JAM2: variants seen among roughly 807,000 people sequenced by gnomAD.
JAM2 encodes the protein junctional adhesion molecule 2, also known as junctional adhesion molecule B.
In JAM2, 17 loss-of-function variants were observed where a neutral mutation model predicts 42.0. The observed-to-expected ratio is 0.40, with a 90% CI of 0.28 to 0.61. The LOEUF (loss-of-function observed/expected upper bound fraction) is 0.61. Ranked by LOEUF, JAM2 falls within the 20% of genes least tolerant of loss-of-function variation. The pLI, the probability that JAM2 is intolerant of heterozygous loss-of-function variation, is 0.37. For missense variants in JAM2, 319 were observed against 358.3 expected, an observed-to-expected ratio of 0.89 and a Z score of 0.89; for synonymous variants, 118 against 128.6, an observed-to-expected ratio of 0.92 and a Z score of 0.56.
chr21:25,693,564 C>A (rs1291944568), intron 3 of JAM2, among the ~76,000 whole-genome samples, 192 bp from the exon 4 acceptor site: 2 of 152,116 alleles, frequency 1.3e-5, no homozygotes, highest in Admixed American at 1.3e-4. Context: ...GCCTTTTGAA[C>A]ATTTTAAAAA....
At chr21:25,710,450 A>T (rs574650374) in intron 8 of JAM2, among the ~76,000 whole-genome samples, 1 of 152,336 alleles carries the variant, frequency 6.6e-6, no homozygotes, top group East Asian at 1.9e-4. Flanking sequence ...GAGAATATAC[A>T]ATACAAAGGG....
chr21:25,688,299 C>G (rs1027314486), intron 2 of JAM2, among the ~76,000 whole-genome samples: 2 of 142,492 alleles, frequency 1.4e-5, no homozygotes, highest in African/African-American at 5.0e-5. Context: ...CCCACACGCA[C>G]GCACACACAC....
chr21:25,676,256 C>A (rs1327459101), intron 1 of JAM2, among the ~76,000 whole-genome samples: 1 of 143,326 alleles, frequency 7.0e-6, no homozygotes, highest in African/African-American at 2.6e-5. Flanking sequence ...CCACTGCACT[C>A]CAGCCTGGGT....
chr21:25,699,222 A>T (rs914990469), intron 5 of JAM2, among the ~76,000 whole-genome samples: 3 of 152,216 alleles, frequency 2.0e-5, no homozygotes, highest in Non-Finnish European at 4.4e-5. Flanking sequence ...GATACCAATT[A>T]AGATTTTCGT....
At chr21:25,714,573 C>T in intron 9 of JAM2, 67 bp from the exon 10 acceptor site, 2 of 965,842 alleles carry the variant, frequency 2.1e-6, no homozygotes, top group Middle Eastern at 2.8e-4. Context: ...GCTTGATATT[C>T]ATAAGATTTA....
intron 1 of JAM2, among the ~76,000 whole-genome samples, chr21:25,666,559 C>A (rs2033229816): frequency 6.6e-6 from 1 of 151,904 alleles, no homozygotes; most frequent in Non-Finnish European, 1.5e-5. Context: ...TTTTTTGAGA[C>A]AAGGTCTTGC....
intron 1 of JAM2, among the ~76,000 whole-genome samples, chr21:25,681,221 G>C (rs2033623038): frequency 6.6e-6 from 1 of 152,164 alleles, no homozygotes; most frequent in South Asian, 2.1e-4. Flanking sequence ...GGATTGTTTT[G>C]CCTAAATTGT....
chr21:25,697,755 A>G (rs2034069753), intron 4 of JAM2, among the ~76,000 whole-genome samples: 1 of 151,890 alleles, frequency 6.6e-6, no homozygotes, highest in African/African-American at 2.4e-5. Context: ...AGTTTTAAAA[A>G]TTAGCTGGTC....
intron 5 of JAM2, among the ~76,000 whole-genome samples, chr21:25,699,441 G>A (rs1193695085): frequency 6.6e-6 from 1 of 152,092 alleles, no homozygotes; most frequent in Non-Finnish European, 1.5e-5. Flanking sequence ...AAAATTGCGC[G>A]GCCGGGCGCA....
intron 1 of JAM2, among the ~76,000 whole-genome samples, chr21:25,660,783 T>TATATATATATA (rs59547156): frequency 5.8e-4 from 21 of 36,328 alleles, no homozygotes; most frequent in South Asian, 1.2e-3. Context: ...TATATATATA[T>TATATATATATA]TTTTTTTTTT....
chr21:25,697,305 T>C (rs948605117), intron 4 of JAM2, among the ~76,000 whole-genome samples: 1 of 152,168 alleles, frequency 6.6e-6, no homozygotes, highest in Non-Finnish European at 1.5e-5. Context: ...AAAATCTTTC[T>C]ACTACAGTAC....
intron 7 of JAM2, among the ~76,000 whole-genome samples, chr21:25,708,791 A>C (rs2123416283): frequency 6.6e-6 from 1 of 152,274 alleles, no homozygotes. Flanking sequence ...TAGTAAAAAA[A>C]TTTTCCTAAA....
chr21:25,645,167 C>T (rs144023057), intron 1 of JAM2, among the ~76,000 whole-genome samples: 90 of 152,328 alleles, frequency 5.9e-4, no homozygotes, highest in African/African-American at 2.0e-3. Context: ...AGGCGTGAGC[C>T]ACCGCGCCTG....
intron 1 of JAM2, among the ~76,000 whole-genome samples, chr21:25,654,647 CAAAAAA>C (rs34222589): frequency 3.3e-5 from 3 of 91,614 alleles, no homozygotes; most frequent in Admixed American, 2.4e-4. Context: ...GACTTTCTCT[CAAAAAA>C]AAAAAAAAAA....
chr21:25,654,336 A>C (rs930190184), intron 1 of JAM2, among the ~76,000 whole-genome samples: 1 of 152,194 alleles, frequency 6.6e-6, no homozygotes, highest in African/African-American at 2.4e-5. Context: ...AACACTGATT[A>C]ATCTTAGCAT....
chr21:25,700,740 C>T (rs2034148839), intron 5 of JAM2, among the ~76,000 whole-genome samples: 1 of 152,178 alleles, frequency 6.6e-6, no homozygotes, highest in Admixed American at 6.5e-5. Context: ...ACAAACAGAT[C>T]TTCTGATAAA....
At chr21:25,711,914 A>G in intron 8 of JAM2, 1 of 210,990 alleles carries the variant, frequency 4.7e-6, no homozygotes, top group Non-Finnish European at 9.6e-6. Context: ...TGTGGCCTTC[A>G]AAATATGTTC....
At chr21:25,649,565 G>A (rs2032713574) in intron 1 of JAM2, among the ~76,000 whole-genome samples, 1 of 152,144 alleles carries the variant, frequency 6.6e-6, no homozygotes, top group Non-Finnish European at 1.5e-5. Context: ...TGAGATTTGG[G>A]TGGCGACACA....
At chr21:25,708,150 T>TG (rs2123415183) in intron 7 of JAM2, among the ~76,000 whole-genome samples, 1 of 152,282 alleles carries the variant, frequency 6.6e-6, no homozygotes, top group African/African-American at 2.4e-5. Flanking sequence ...TCTTGGCCTT[T>TG]AAAAATATAT....
Sources: gnomAD v4.1 joint callset for allele counts (sites outside exome capture counted in the v4.1 genomes callset) on GRCh38, gnomAD v4.1.1 for gene constraint, MANE v1.5 for transcripts, NCBI Gene and HGNC (gene_info 2026-07-23, HGNC 2026-07-21) for gene names.